DGLUCY: variants seen among roughly 807,000 people sequenced by gnomAD.
The protein encoded by DGLUCY is D-glutamate cyclase, mitochondrial.
In DGLUCY, 58 loss-of-function variants were observed where a neutral mutation model predicts 58.5. That is an observed-to-expected ratio of 0.99 (90% confidence interval 0.80 to 1.23). DGLUCY has a LOEUF of 1.23. Ranked by LOEUF, DGLUCY falls within the 50% of genes most tolerant of loss-of-function variation. The pLI is 0.00. For missense variants in DGLUCY, 779 were observed against 784.7 expected (o/e 0.99, Z 0.09); for synonymous variants, 325 against 314.1 (o/e 1.03, Z -0.37).
chr14:91,160,224 G>A, intron 2 of DGLUCY, 42 bp from the exon 3 acceptor site: 5 of 1,234,672 alleles, frequency 4.0e-6, no homozygotes, highest in Non-Finnish European at 4.8e-6. Flanking sequence ...GCCTTCAGGG[G>A]GCCACACTTT....
chr14:91,099,442 A>G (rs71428745), intron 1 of DGLUCY, among the ~76,000 whole-genome samples: 380 of 151,368 alleles, frequency 2.5e-3, no homozygotes, highest in Middle Eastern at 6.8e-3. Flanking sequence ...CCGAAGTGGG[A>G]GGATTGTTTG....
chr14:91,177,134 G>C (rs1431244723), intron 7 of DGLUCY, among the ~76,000 whole-genome samples: 1 of 152,020 alleles, frequency 6.6e-6, no homozygotes, highest in Non-Finnish European at 1.5e-5. Context: ...AGGTAGCTGG[G>C]ACTACAGGCA....
In DGLUCY at chr14:91,224,875, G is replaced by T. The variant is rs1466140222; in HGVS notation, c.*42G>T. Reference sequence around the variant, plus strand: ...TGAGCAGAGTCCCTACCAACGGGCAGGTCTGCATCCGGGGAGAATGCAGCT... The same window carrying T: ...TGAGCAGAGTCCCTACCAACGGGCATGTCTGCATCCGGGGAGAATGCAGCT... On this transcript the variant is annotated 3_prime_UTR_variant, in exon 14 of 14. Coordinates refer to ENST00000256324, the MANE Select transcript of DGLUCY (RefSeq NM_001102368.3). The T allele has an allele frequency of 2.6e-6, 4 of 1,543,108 alleles. No homozygotes were observed. Among genetic ancestry groups the T allele is most frequent in the South Asian group, 2.4e-5 (2 of 84,178 alleles).
intron 3 of DGLUCY, among the ~76,000 whole-genome samples, chr14:91,162,625 G>A (rs191755615): frequency 2.0e-5 from 3 of 152,284 alleles, no homozygotes; most frequent in African/African-American, 7.2e-5. Flanking sequence ...GGCCGGGCAC[G>A]GTGGCGCACG....
intron 1 of DGLUCY, among the ~76,000 whole-genome samples, chr14:91,132,114 C>T (rs149156562): frequency 6.6e-5 from 10 of 152,308 alleles, no homozygotes; most frequent in African/African-American, 2.4e-4. Context: ...TTTGTACCCA[C>T]TTGTCTGCAA....
chr14:91,098,327 C>T (rs148322876), intron 1 of DGLUCY, among the ~76,000 whole-genome samples: 138 of 151,860 alleles, frequency 9.1e-4, no homozygotes, highest in African/African-American at 3.3e-3. Context: ...CATGATGGTG[C>T]GCATCTGTAA....
chr14:91,104,154 C>A (rs529850352), upstream of DGLUCY, among the ~76,000 whole-genome samples: 3 of 145,162 alleles, frequency 2.1e-5, no homozygotes, highest in African/African-American at 7.7e-5. Flanking sequence ...GCTCCGCCTC[C>A]CGGGTTCACA....
intron 13 of DGLUCY, among the ~76,000 whole-genome samples, chr14:91,216,958 G>C (rs889060886): frequency 6.6e-6 from 1 of 152,216 alleles, no homozygotes; most frequent in Non-Finnish European, 1.5e-5. Context: ...GTGGCAGCGG[G>C]ACTGGCCCTT....
intron 1 of DGLUCY, among the ~76,000 whole-genome samples, chr14:91,143,785 G>T (rs1362378529): frequency 6.6e-6 from 1 of 152,148 alleles, no homozygotes; most frequent in Admixed American, 6.5e-5. Context: ...CATTGTGCTG[G>T]GTATTTGACT....
At chr14:91,065,760 A>G (rs1175072738) in intron 1 of DGLUCY, among the ~76,000 whole-genome samples, 1 of 152,226 alleles carries the variant, frequency 6.6e-6, no homozygotes, top group East Asian at 1.9e-4. Flanking sequence ...AATAGGAGGG[A>G]AAATTATAAA....
chr14:91,210,420 C>T (rs1671335210), intron 12 of DGLUCY, among the ~76,000 whole-genome samples: 2 of 150,774 alleles, frequency 1.3e-5, no homozygotes, highest in Non-Finnish European at 3.0e-5. Context: ...TAGACCTAGC[C>T]TCTCAGGAGG....
chr14:91,181,645 CTT>C (rs2049174619), intron 8 of DGLUCY, among the ~76,000 whole-genome samples: 1 of 141,080 alleles, frequency 7.1e-6, no homozygotes, highest in African/African-American at 2.5e-5. Flanking sequence ...CTTTCTCTTT[CTT>C]TCTTTTGTTT....
intron 1 of DGLUCY, among the ~76,000 whole-genome samples, chr14:91,069,160 A>G (rs2043874753): frequency 6.6e-6 from 1 of 152,178 alleles, no homozygotes; most frequent in African/African-American, 2.4e-5. Flanking sequence ...ACTTTTCTCT[A>G]ATTTGTCCTA....
At chr14:91,077,835 A>AAAGGAAGAAAGAGAGGAATG (rs1300953878) in intron 1 of DGLUCY, among the ~76,000 whole-genome samples, 3 of 150,552 alleles carry the variant, frequency 2.0e-5, no homozygotes, top group African/African-American at 7.3e-5. Context: ...GAGAAAGAGG[A>AAAGGAAGAAAGAGAGGAATG]AAGGAAGAAA....
chr14:91,142,167 C>T (rs966614205), intron 1 of DGLUCY, among the ~76,000 whole-genome samples: 5 of 152,074 alleles, frequency 3.3e-5, no homozygotes, highest in African/African-American at 1.2e-4. Flanking sequence ...TTAACCTGCT[C>T]AAGGATCACA....
upstream of DGLUCY, among the ~76,000 whole-genome samples, chr14:91,106,762 G>T (rs1466492307): frequency 2.0e-5 from 3 of 151,876 alleles, no homozygotes; most frequent in Non-Finnish European, 4.4e-5. Context: ...TCAAAACAGT[G>T]GAGATCATCA....
At chr14:91,069,565 C>T (rs1227323183) in intron 1 of DGLUCY, among the ~76,000 whole-genome samples, 2 of 152,190 alleles carry the variant, frequency 1.3e-5, no homozygotes, top group Non-Finnish European at 2.9e-5. Flanking sequence ...CAGGCGTGAG[C>T]CACCGCACCC....
At position 91,225,117 on chromosome 14, in the gene DGLUCY, G is replaced by A. The variant is rs564734755; in HGVS notation, c.*284G>A. On this transcript the variant is annotated 3_prime_UTR_variant, in exon 14 of 14. Transcript: ENST00000256324. ...ACTCTGGCTTCTTCAGGCAACCCAC[G>A]TGGTCTCCTGTGAGAATCTTCTCGA... The A allele has an allele frequency of 8.3e-4, 221 of 266,442 alleles. 1 individual carries two copies. Among genetic ancestry groups the A allele is most frequent in the African/African-American group, 4.7e-3 (215 of 45,408 alleles). 16.5% of individuals were successfully genotyped at this position (266,442 alleles called of 1,614,324 possible).
At chr14:91,091,179 T>C (rs1007427055) in intron 1 of DGLUCY, 2 of 152,092 alleles carry the variant, frequency 1.3e-5, no homozygotes, top group Non-Finnish European at 2.9e-5. Context: ...CAATATATAA[T>C]ACAATACATT....
Sources: gnomAD v4.1 joint callset for allele counts (sites outside exome capture counted in the v4.1 genomes callset) on GRCh38, gnomAD v4.1.1 for gene constraint, MANE v1.5 for transcripts, NCBI Gene and HGNC (gene_info 2026-07-23, HGNC 2026-07-21) for gene names.